DNAH5: variants seen among roughly 807,000 people sequenced by gnomAD.
DNAH5 encodes axonemal beta dynein heavy chain 5.
Under a neutral mutation model 518.2 loss-of-function variants are expected in DNAH5, and 372 were observed. The ratio of observed to expected loss-of-function variants is 0.72; its 90% confidence interval spans 0.66 to 0.78. The LOEUF is 0.78. Among genes scored for constraint, DNAH5 ranks in the 30% least tolerant of loss-of-function variants. The pLI, the probability that DNAH5 is intolerant of heterozygous loss-of-function variation, is 0.00. For synonymous variants in DNAH5, 2,039 were observed against 2,025.9 expected, an observed-to-expected ratio of 1.01 and a Z score of -0.17; for missense variants, 5,523 against 5,687.0, an observed-to-expected ratio of 0.97 and a Z score of 0.93.
intron 15 of DNAH5, chr5:13,898,676 G>C: frequency 2.5e-6 from 1 of 398,536 alleles, no homozygotes; most frequent in Non-Finnish European, 4.4e-6. Flanking sequence ...ACCTAACGTA[G>C]TGGTAGAAAA....
At chr5:13,878,326 A>G (rs1771175222) in intron 21 of DNAH5, among the ~76,000 whole-genome samples, 1 of 152,230 alleles carries the variant, frequency 6.6e-6, no homozygotes. Flanking sequence ...TTCAATGGAC[A>G]TGGAAACACT....
At position 13,811,814 on chromosome 5, in the gene DNAH5, T is replaced by C; in HGVS notation, c.7240A>G (p.Lys2414Glu). The change falls in exon 44 of 79, where the codon AAG becomes GAG. Residue 2414 changes from lysine to glutamate, a missense_variant. Physicochemically the swap from Lys to Glu is moderately conservative, Grantham distance 56 (BLOSUM62 1). Coordinates refer to ENST00000265104, the MANE Select transcript of DNAH5 (RefSeq NM_001369.3). Reference sequence around the variant, plus strand: ...TCTGCTTCTTGAGGTGAGCGTTTCTTAAGAAAACCCTGTCAGTTCACAGAC... The same window carrying C: ...TCTGCTTCTTGAGGTGAGCGTTTCTCAAGAAAACCCTGTCAGTTCACAGAC... ...DWSPILEGFL[K>E]KRSPQEAEIL... The C allele has an allele frequency of 6.2e-7, 1 of 1,614,128 alleles. No homozygotes were observed. The highest frequency in any genetic ancestry group is 1.3e-5 in the African/African-American group (1 of 75,056).
chr5:13,909,392 T>C (rs972236400), intron 12 of DNAH5, among the ~76,000 whole-genome samples: 2 of 152,144 alleles, frequency 1.3e-5, no homozygotes, highest in Non-Finnish European at 2.9e-5. Flanking sequence ...AAATATTTTA[T>C]TGTACTATAC....
At chr5:13,728,591 G>A (rs373794347) in intron 69 of DNAH5, among the ~76,000 whole-genome samples, 159 of 152,222 alleles carry the variant, frequency 1.0e-3, no homozygotes, top group African/African-American at 2.4e-3. Context: ...GGAATAACCC[G>A]AAAGAATGGT....
At chr5:13,716,718 A>C (rs1242988943) in intron 73 of DNAH5, 28 bp from the exon 74 acceptor site, 2 of 1,473,226 alleles carry the variant, frequency 1.4e-6, no homozygotes, top group South Asian at 2.3e-5. Context: ...ATAATTATGT[A>C]GAACTGACTA....
Position 13,825,505 on chromosome 5 carries a change from C to T in DNAH5, c.6445-1172G>A, listed in dbSNP as rs1005038849. Among the ~76,000 whole-genome samples, 6 of 152,110 alleles carry T rather than the reference C, an allele frequency of 3.9e-5. No individual in the cohort carries two copies. The South Asian group carries it at 1.2e-3, about 32-fold the overall frequency. ...ATGGATAAACAAAATGTGGTATATA[C>T]ATATAACAATATTATTTAGCCATAA... On this transcript the variant is annotated intron_variant, in intron 38 of 78. Coordinates refer to ENST00000265104, the MANE Select transcript of DNAH5 (RefSeq NM_001369.3).
intron 25 of DNAH5, among the ~76,000 whole-genome samples, chr5:13,866,507 A>G (rs1027003857): frequency 6.6e-6 from 1 of 152,334 alleles, no homozygotes; most frequent in East Asian, 1.9e-4. Context: ...GAAACTTTTA[A>G]GATTAAAAAT....
intron 54 of DNAH5, 124 bp from the exon 55 acceptor site, chr5:13,776,830 A>G: frequency 9.3e-7 from 1 of 1,076,338 alleles, no homozygotes; most frequent in Non-Finnish European, 1.4e-6. Flanking sequence ...CAGAAAATTG[A>G]AAGTTTTCAA....
chr5:13,868,438 T>C (rs1769605527), intron 24 of DNAH5, among the ~76,000 whole-genome samples: 1 of 152,182 alleles, frequency 6.6e-6, no homozygotes, highest in Non-Finnish European at 1.5e-5. Flanking sequence ...GATAAGAGGT[T>C]CCAATAGTAA....
chr5:13,922,256 T>C lies in DNAH5; in HGVS notation c.511A>G (p.Ile171Val), dbSNP rs770091138. ...GTGGCTCTGAGAGCAGGAATGAAGATGTCCGACAGCAAACGTCTCACACTG... is the reference window on the plus strand; with the variant it reads ...GTGGCTCTGAGAGCAGGAATGAAGACGTCCGACAGCAAACGTCTCACACTG... ...LNSVRRLLSD[I>V]FIPALRATSH... is the part of the protein sequence containing the mutation. Residue 171 changes from isoleucine (I) to valine (V), a missense_variant, in exon 5 of 79, where the codon ATC becomes GTC. Physicochemically the swap from Ile to Val is conservative, Grantham distance 29. This residue lies in a region of DNAH5 where 5,121 missense variants were observed against 5,223.3 expected (regional missense o/e 0.98). Transcript: ENST00000265104. 6.8e-6 allele frequency: 11 copies of C among 1,613,896 alleles called. No individual in the cohort carries two copies. In the South Asian group the frequency reaches 8.8e-5, roughly 13 times the overall value.
chr5:13,956,698 T>C (rs947539970), intron 1 of DNAH5, among the ~76,000 whole-genome samples: 3 of 152,212 alleles, frequency 2.0e-5, no homozygotes, highest in African/African-American at 7.2e-5. Context: ...GAGACCGAAG[T>C]GTGAGGTTTA....
At chr5:13,884,662 C>T (rs916983852) in intron 19 of DNAH5, among the ~76,000 whole-genome samples, 3 of 152,180 alleles carry the variant, frequency 2.0e-5, no homozygotes, top group Non-Finnish European at 2.9e-5. Context: ...CATAGTGAAA[C>T]CCTGTCTCTA....
upstream of DNAH5, among the ~76,000 whole-genome samples, chr5:13,949,550 A>G (rs1390086367): frequency 1.3e-5 from 2 of 152,236 alleles, no homozygotes; most frequent in East Asian, 3.8e-4. Flanking sequence ...CTCATCTGTC[A>G]AAATTCAAAA....
At chr5:13,928,333 A>T (rs1338575389) in intron 2 of DNAH5, among the ~76,000 whole-genome samples, 155 bp from the exon 3 acceptor site, 1 of 152,260 alleles carries the variant, frequency 6.6e-6, no homozygotes, top group African/African-American at 2.4e-5. Context: ...GGGAGCATTT[A>T]CATCAAAAGA....
chr5:13,777,391 T>C, intron 53 of DNAH5, 36 bp from the exon 54 acceptor site: 1 of 1,597,620 alleles, frequency 6.3e-7, no homozygotes, highest in Non-Finnish European at 8.6e-7. Context: ...TTAGCTAAAA[T>C]ATTTTCATGA....
At chr5:13,914,052 T>C (rs1776356557) in intron 10 of DNAH5, 94 bp from the exon 11 acceptor site, 3 of 1,449,926 alleles carry the variant, frequency 2.1e-6, no homozygotes, top group South Asian at 2.5e-5. Context: ...TAGGATGGAA[T>C]TGTAAGCCTT....
intron 16 of DNAH5, among the ~76,000 whole-genome samples, chr5:13,893,564 CCTT>C (rs1351725518): frequency 1.3e-5 from 2 of 152,078 alleles, no homozygotes; most frequent in African/African-American, 4.8e-5. Context: ...CCACGCAACT[CCTT>C]CTTCACAGAA....
chr5:13,924,492 A>T (rs1777645935), intron 3 of DNAH5, among the ~76,000 whole-genome samples: 1 of 151,982 alleles, frequency 6.6e-6, no homozygotes, highest in African/African-American at 2.4e-5. Context: ...CCTGATCAAC[A>T]TGGAGAAACC....
chr5:13,918,708 T>C (rs1776921954), intron 7 of DNAH5, among the ~76,000 whole-genome samples: 1 of 152,174 alleles, frequency 6.6e-6, no homozygotes, highest in African/African-American at 2.4e-5. Context: ...GACCTTGTGA[T>C]CCACCTGCCT....
Sources: allele counts gnomAD v4.1 joint callset (sites outside exome capture counted in the v4.1 genomes callset), GRCh38; gene constraint gnomAD v4.1.1; regional missense constraint gnomAD v4.1.1; transcripts MANE v1.5; gene names NCBI Gene and HGNC (gene_info 2026-07-23, HGNC 2026-07-21).